The following SHROOM2 variants were observed in gnomAD, a reference collection of about 807,000 sequenced individuals.
SHROOM2 encodes shroom family member 2.
SHROOM2 carries 33 observed loss-of-function variants against 75.9 expected under a neutral mutation model. That is an observed-to-expected ratio of 0.43 (90% confidence interval 0.33 to 0.58). SHROOM2 has a LOEUF of 0.58. SHROOM2 is among the 20% of genes least tolerant of loss of function. The probability of loss-of-function intolerance (pLI) is 0.04; values close to 1 mark genes in which losing one functional copy is unlikely to be tolerated. For synonymous variants in SHROOM2, 655 were observed against 663.6 expected (o/e 0.99, Z 0.20); for missense variants, 1,434 against 1,461.2 (o/e 0.98, Z 0.30).
chrX:9,835,290 A>G (rs150311063), intron 1 of SHROOM2, among the ~76,000 whole-genome samples: 273 of 112,072 alleles, frequency 2.4e-3, no homozygotes, highest in African/African-American at 8.4e-3. Context: ...ACAGATGTGT[A>G]TGGGGCAAAT....
chrX:9,932,938 C>T (rs2084665988), intron 6 of SHROOM2, 68 bp downstream of exon 6: 1 of 956,262 alleles, frequency 1.0e-6, no homozygotes, highest in African/African-American at 1.9e-5. Context: ...CTCAGTGGGT[C>T]TTTCTGGGGA....
chrX:9,909,505 A>G (rs1342577946), intron 5 of SHROOM2, among the ~76,000 whole-genome samples: 2 of 112,409 alleles, frequency 1.8e-5, no homozygotes, highest in Non-Finnish European at 3.8e-5. Flanking sequence ...CGAGGAGAGG[A>G]ACATCACAGT....
intron 1 of SHROOM2, among the ~76,000 whole-genome samples, chrX:9,851,254 C>T (rs2084037800): frequency 9.0e-6 from 1 of 111,005 alleles, no homozygotes; most frequent in Admixed American, 9.7e-5. Flanking sequence ...AGCAGTCCTC[C>T]TGCCTTGGCT....
chrX:9,787,079 C>T lies in SHROOM2; in HGVS notation c.165+369C>T, dbSNP rs1301671247. ...CCGAGCCGTCCCCACCTATGTTTGC[C>T]TCTCTGGGGTCCCTGGTTCGGCACC... On this transcript the variant is annotated intron_variant, in intron 1 of 9. Coordinates refer to ENST00000380913, the MANE Select transcript of SHROOM2 (RefSeq NM_001649.4). 5.4e-5 allele frequency among the ~76,000 whole-genome samples: 6 copies of T among 111,989 alleles called. No individual in the cohort carries two copies. The East Asian group carries it at 1.7e-3, about 32-fold the overall frequency.
chrX:9,842,504 G>A (rs1264085877), intron 1 of SHROOM2, among the ~76,000 whole-genome samples: 1 of 112,546 alleles, frequency 8.9e-6, no homozygotes, highest in Non-Finnish European at 1.9e-5. Flanking sequence ...AGGGCACACA[G>A]CGGCTGACTT....
At chrX:9,861,631 GTACTTGTAGCA>G (rs2084104153) in intron 1 of SHROOM2, among the ~76,000 whole-genome samples, 1 of 112,185 alleles carries the variant, frequency 8.9e-6, no homozygotes, top group African/African-American at 3.2e-5. Flanking sequence ...AGTTGTAACT[GTACTTGTAGCA>G]TACTTTAGAG....
At position 9,946,719 on chromosome X, in the gene SHROOM2, G is replaced by A; in HGVS notation, c.4633G>A (p.Ala1545Thr). 1 of 1,206,508 alleles carries A rather than the reference G, an allele frequency of 8.3e-7. No homozygotes were observed. The highest frequency in any genetic ancestry group is 1.8e-5 in the South Asian group (1 of 55,970). Reference sequence around the variant, plus strand: ...AGTCCTGATCCAGCAGCACGAGGACGCCAAGGAGCTCAAGGAGAACCTGGA... The same window carrying A: ...AGTCCTGATCCAGCAGCACGAGGACACCAAGGAGCTCAAGGAGAACCTGGA... ...QRVLIQQHED[A>T]KELKENLDRR... The change falls in exon 10 of 10, where the codon GCC (alanine) becomes ACC (threonine). Residue 1545 changes from alanine (A) to threonine (T), a missense_variant. Physicochemically the swap from Ala to Thr is moderately conservative, Grantham distance 58. Transcript: ENST00000380913.
chrX:9,801,165 G>A (rs943521969), intron 1 of SHROOM2, among the ~76,000 whole-genome samples: 1 of 111,712 alleles, frequency 9.0e-6, no homozygotes, highest in African/African-American at 3.3e-5. Context: ...AGAGCCATGT[G>A]AAAAGGAAAA....
chrX:9,923,920 T>A (rs184494643), intron 5 of SHROOM2, among the ~76,000 whole-genome samples: 1 of 112,253 alleles, frequency 8.9e-6, no homozygotes, highest in East Asian at 2.8e-4. Flanking sequence ...CCTCTCTAAT[T>A]CAACTTCATT....
chrX:9,882,708 G>GC (rs1173804916), intron 2 of SHROOM2, among the ~76,000 whole-genome samples: 1 of 111,857 alleles, frequency 8.9e-6, no homozygotes, highest in Admixed American at 9.5e-5. Flanking sequence ...GCACGCTCTT[G>GC]CTAGGGGTGA....
chrX:9,879,751 A>G (rs776891083), intron 2 of SHROOM2, among the ~76,000 whole-genome samples: 1 of 106,739 alleles, frequency 9.4e-6, no homozygotes, highest in East Asian at 3.2e-4. Context: ...GAGAATGTTT[A>G]GCTTATTTTT....
intron 2 of SHROOM2, among the ~76,000 whole-genome samples, chrX:9,884,561 G>T (rs1034985575): frequency 1.4e-4 from 15 of 106,614 alleles, no homozygotes; most frequent in Non-Finnish European, 2.5e-4. Context: ...AAGAACAGTG[G>T]TGCAATAATA....
At chrX:9,855,246 G>A (rs1331898405) in intron 1 of SHROOM2, among the ~76,000 whole-genome samples, 1 of 79,449 alleles carries the variant, frequency 1.3e-5, no homozygotes, top group African/African-American at 5.2e-5. Context: ...GTATACCTAT[G>A]TAACAAACCT....
chrX:9,938,402 A>C (rs1312215654), intron 7 of SHROOM2, among the ~76,000 whole-genome samples: 1 of 109,981 alleles, frequency 9.1e-6, no homozygotes, highest in Non-Finnish European at 1.9e-5. Context: ...AAGTACAAAA[A>C]ATTAGCCAGG....
chrX:9,826,623 G>A, intron 1 of SHROOM2, among the ~76,000 whole-genome samples: 1 of 109,998 alleles, frequency 9.1e-6, no homozygotes, highest in Non-Finnish European at 1.9e-5. Context: ...AAATACAGAA[G>A]ATGTAGCTGG....
intron 1 of SHROOM2, among the ~76,000 whole-genome samples, chrX:9,791,994 T>G (rs185834378): frequency 0.07 from 17 of 244 alleles, 1 homozygote; most frequent in Non-Finnish European, 0.3. Context: ...TAGAATAGAA[T>G]AGAATAGAAT....
intron 1 of SHROOM2, among the ~76,000 whole-genome samples, chrX:9,812,711 C>T (rs763709456): frequency 3.6e-5 from 4 of 111,964 alleles, no homozygotes; most frequent in Non-Finnish European, 5.6e-5. Context: ...CTTAGGGAAG[C>T]GAAAAGCAAT....
At chrX:9,789,830 C>T (rs1167783730) in intron 1 of SHROOM2, among the ~76,000 whole-genome samples, 1 of 112,000 alleles carries the variant, frequency 8.9e-6, no homozygotes, top group South Asian at 3.7e-4. Context: ...AGCCTTAGCC[C>T]GAAGCTCCAA....
intron 1 of SHROOM2, among the ~76,000 whole-genome samples, chrX:9,799,427 A>G (rs976403832): frequency 6.3e-5 from 7 of 110,635 alleles, no homozygotes; most frequent in African/African-American, 2.3e-4. Flanking sequence ...CAGCCTCCCA[A>G]AGTGCTGGGA....
Sources: allele counts gnomAD v4.1 joint callset (sites outside exome capture counted in the v4.1 genomes callset), GRCh38; gene constraint gnomAD v4.1.1; transcripts MANE v1.5; gene names NCBI Gene and HGNC (gene_info 2026-07-23, HGNC 2026-07-21).